Variants in TUSC3 observed in about 807,000 individuals in gnomAD.
The protein encoded by TUSC3 is dolichyl-diphosphooligosaccharide--protein glycosyltransferase subunit TUSC3.
TUSC3 carries 45 observed loss-of-function variants against 44.8 expected under a neutral mutation model. That is an observed-to-expected ratio of 1.00 (90% CI 0.79 to 1.29). TUSC3 has a LOEUF of 1.29. TUSC3 is among the 50% of genes most tolerant of loss of function. TUSC3 has a pLI of 0.00. For synonymous variants in TUSC3, 212 were observed against 152.9 expected, an observed-to-expected ratio of 1.39 and a Z score of -2.85; for missense variants, 519 against 437.9, an observed-to-expected ratio of 1.19 and a Z score of -1.65.
intron 1 of TUSC3, among the ~76,000 whole-genome samples, chr8:15,461,111 C>T (rs1284440336): frequency 2.0e-5 from 3 of 152,002 alleles, no homozygotes; most frequent in Non-Finnish European, 4.4e-5. Flanking sequence ...GTGTAGATTG[C>T]CTTTGGCAGT....
the TUSC3 span, among the ~76,000 whole-genome samples, chr8:15,812,723 CA>C: frequency 2.5e-5 from 3 of 119,412 alleles, no homozygotes; most frequent in Admixed American, 8.4e-5. Flanking sequence ...TAGATCTTTT[CA>C]ACATGATATG....
At chr8:15,576,355 A>C (rs1803114435) in intron 1 of TUSC3, among the ~76,000 whole-genome samples, 1 of 140,970 alleles carries the variant, frequency 7.1e-6, no homozygotes, top group African/African-American at 2.7e-5. Flanking sequence ...ACATGTGCAC[A>C]TTGTGCAGGT....
the TUSC3 span, among the ~76,000 whole-genome samples, chr8:15,803,668 G>A: frequency 1.3e-5 from 2 of 152,096 alleles, no homozygotes; most frequent in South Asian, 4.1e-4. Context: ...TAGGTTTTAA[G>A]CCCTGCATGC....
chr8:15,533,366 A>G (rs756662071), intron 2 of TUSC3, among the ~76,000 whole-genome samples: 1 of 152,210 alleles, frequency 6.6e-6, no homozygotes, highest in Non-Finnish European at 1.5e-5. Flanking sequence ...TAACCTAAAT[A>G]TAGGGCAGAG....
chr8:15,840,610 C>T, the TUSC3 span, among the ~76,000 whole-genome samples: 2 of 152,014 alleles, frequency 1.3e-5, no homozygotes, highest in African/African-American at 2.4e-5. Flanking sequence ...TCTGAAGTTT[C>T]TTAATTCCTA....
chr8:15,686,178 A>G (rs997667631), intron 6 of TUSC3, among the ~76,000 whole-genome samples: 15 of 152,214 alleles, frequency 9.9e-5, no homozygotes, highest in Non-Finnish European at 1.5e-4. Context: ...GAAACTATAC[A>G]AACATATGGT....
the TUSC3 span, among the ~76,000 whole-genome samples, chr8:15,818,832 G>T: frequency 1.3e-5 from 2 of 152,144 alleles, no homozygotes; most frequent in African/African-American, 4.8e-5. Context: ...TAGTCATTCT[G>T]GTTTTTGTTT....
At chr8:15,658,268 T>C (rs539014636) in intron 3 of TUSC3, among the ~76,000 whole-genome samples, 69 of 152,254 alleles carry the variant, frequency 4.5e-4, no homozygotes, top group Non-Finnish European at 8.1e-4. Context: ...TATAGAGCCA[T>C]TTCTTTTGGG....
chr8:15,642,805 A>G (rs907534189), intron 2 of TUSC3, among the ~76,000 whole-genome samples: 2 of 150,576 alleles, frequency 1.3e-5, no homozygotes, highest in African/African-American at 2.4e-5. Context: ...ATTTAAGATT[A>G]TAAGTGTTAT....
At chr8:15,752,806 A>G (rs1257247278) in intron 9 of TUSC3, among the ~76,000 whole-genome samples, 8 of 152,084 alleles carry the variant, frequency 5.3e-5, no homozygotes, top group Admixed American at 5.2e-4. Flanking sequence ...CAATAATCTG[A>G]TAGCCAAAGC....
chr8:15,554,011 T>C (rs1174681273), intron 1 of TUSC3, among the ~76,000 whole-genome samples: 3 of 151,614 alleles, frequency 2.0e-5, no homozygotes, highest in Non-Finnish European at 2.9e-5. Flanking sequence ...CTCACAGTTA[T>C]GGGAGCTGGG....
At chr8:15,717,683 A>AG (rs1810108809) in intron 6 of TUSC3, among the ~76,000 whole-genome samples, 1 of 152,070 alleles carries the variant, frequency 6.6e-6, no homozygotes, top group African/African-American at 2.4e-5. Flanking sequence ...TTATTTCTCT[A>AG]GCACTCATTT....
At chr8:15,478,029 C>T (rs999425008) in intron 1 of TUSC3, among the ~76,000 whole-genome samples, 45 of 152,116 alleles carry the variant, frequency 3.0e-4, no homozygotes, top group African/African-American at 9.7e-4. Flanking sequence ...ACGATCTTGG[C>T]TCACTGCAAA....
At chr8:15,572,120 C>T (rs1802901443) in intron 1 of TUSC3, among the ~76,000 whole-genome samples, 2 of 152,174 alleles carry the variant, frequency 1.3e-5, no homozygotes, top group Non-Finnish European at 1.5e-5. Flanking sequence ...GCATCGACTT[C>T]TCTCTAGCCA....
chr8:15,511,818 C>A (rs1207028185), intron 2 of TUSC3, among the ~76,000 whole-genome samples: 1 of 151,908 alleles, frequency 6.6e-6, no homozygotes, highest in African/African-American at 2.4e-5. Flanking sequence ...TTGCAGTGAG[C>A]CAAGATTGCG....
chr8:15,516,709 T>C (rs935457402), intron 2 of TUSC3, among the ~76,000 whole-genome samples: 3 of 152,318 alleles, frequency 2.0e-5, no homozygotes, highest in Admixed American at 6.5e-5. Context: ...TTTAGACAAA[T>C]TAATCCTATG....
intron 1 of TUSC3, among the ~76,000 whole-genome samples, chr8:15,592,956 A>G (rs1261924730): frequency 6.6e-6 from 1 of 152,044 alleles, no homozygotes; most frequent in African/African-American, 2.4e-5. Flanking sequence ...ACTTCAAACC[A>G]CTTAGCTATA....
intron 1 of TUSC3, among the ~76,000 whole-genome samples, chr8:15,418,937 T>C (rs1192671754): frequency 1.3e-5 from 2 of 152,024 alleles, no homozygotes; most frequent in African/African-American, 2.4e-5. Context: ...GCCCTGGAGG[T>C]TGAGGCTGCA....
intron 1 of TUSC3, among the ~76,000 whole-genome samples, chr8:15,597,402 G>C (rs1432109302): frequency 6.6e-6 from 1 of 152,044 alleles, no homozygotes; most frequent in Admixed American, 6.6e-5. Flanking sequence ...TTAAATATTA[G>C]TTGCTAGTAT....
Sources: gnomAD v4.1 joint callset for allele counts (sites outside exome capture counted in the v4.1 genomes callset) on GRCh38, gnomAD v4.1.1 for gene constraint, MANE v1.5 for transcripts, NCBI Gene and HGNC (gene_info 2026-07-23, HGNC 2026-07-21) for gene names.